The following ZNF45 variants were observed in gnomAD, a reference collection of about 807,000 sequenced individuals.
The protein encoded by ZNF45 is BRC1744.
A neutral mutation model predicts 12.0 loss-of-function variants in ZNF45; 4 were observed. That is an observed-to-expected ratio of 0.33 (90% CI 0.16 to 0.76). The LOEUF is 0.76. Ranked by LOEUF, ZNF45 falls within the 30% of genes least tolerant of loss-of-function variation. ZNF45 has a pLI of 0.60. For missense variants in ZNF45, 700 were observed against 813.0 expected, an observed-to-expected ratio of 0.86 and a Z score of 1.69; for synonymous variants, 272 against 279.6, an observed-to-expected ratio of 0.97 and a Z score of 0.27.
chr19:43,923,977 T>TAAA (rs202194694), intron 6 of ZNF45, among the ~76,000 whole-genome samples: 1 of 100,350 alleles, frequency 1.0e-5, no homozygotes, highest in African/African-American at 3.6e-5. Context: ...AAAAAAAATC[T>TAAA]AAAAAAAAAA....
At chr19:43,933,482 T>A (rs1974294125) in intron 2 of ZNF45, among the ~76,000 whole-genome samples, 1 of 152,012 alleles carries the variant, frequency 6.6e-6, no homozygotes, top group Non-Finnish European at 1.5e-5. Context: ...AAAACACAAT[T>A]AATGATAATT....
chr19:43,922,582 T>C (rs967976141), intron 6 of ZNF45, among the ~76,000 whole-genome samples: 3 of 152,118 alleles, frequency 2.0e-5, no homozygotes, highest in African/African-American at 7.2e-5. Flanking sequence ...ATTTATGGCA[T>C]TGCTATTTAT....
intron 2 of ZNF45, among the ~76,000 whole-genome samples, chr19:43,934,114 G>A (rs1172922076): frequency 1.3e-5 from 2 of 152,166 alleles, no homozygotes; most frequent in East Asian, 1.9e-4. Flanking sequence ...CCAAGTCTAG[G>A]ACACAAATCC....
chr19:43,916,001 C>T (rs2146765366), intron 9 of ZNF45, among the ~76,000 whole-genome samples: 1 of 152,210 alleles, frequency 6.6e-6, no homozygotes, highest in South Asian at 2.1e-4. Flanking sequence ...TTTCCATAAC[C>T]ACCAGGGGGG....
intron 6 of ZNF45, among the ~76,000 whole-genome samples, chr19:43,923,055 A>T (rs1475394759): frequency 6.6e-6 from 1 of 151,756 alleles, no homozygotes; most frequent in Non-Finnish European, 1.5e-5. Context: ...CAAACTCCTG[A>T]GCTCAAGTGA....
chr19:43,914,945 TA>T lies in ZNF45; in HGVS notation c.490del (p.Tyr164ThrfsTer7). On this transcript the variant is annotated frameshift_variant, in exon 10 of 10. Transcript: ENST00000269973. LOFTEE classifies it low-confidence loss of function (END_TRUNC). ...ACTTTTCACACAATGTTCTCCTTTG[TA>T]GGGTTTTTCACCAGTGTGGACTCTG... ...VHRVHTGEKP[Y>X]KGEHCVKSFS... is the part of the protein sequence containing the mutation. The T allele has an allele frequency of 6.2e-7, 1 of 1,611,812 alleles. No individual in the cohort carries two copies. The highest frequency in any genetic ancestry group is 1.7e-5 in the Admixed American group (1 of 59,922).
In ZNF45 at chr19:43,913,107, G is replaced by A; in HGVS notation, c.*280C>T. 1 of 313,318 alleles carries A rather than the reference G, an allele frequency of 3.2e-6. No homozygotes were observed. Among genetic ancestry groups the A allele is most frequent in the South Asian group, 1.2e-4 (1 of 8,694 alleles). The allele number at this position is 313,318 out of a possible 1,614,324, so 19.4% of individuals were successfully genotyped here. On this transcript the variant is annotated 3_prime_UTR_variant, in exon 10 of 10. Transcript: ENST00000269973. The stretch of plus-strand genomic sequence containing the variant: ...AGTCAACAAAGTCCCTGCCCTCTTG[G>A]ATCTTATATTCTAGTGGAACAGAAT...
chr19:43,917,717 C>A (rs1266408071), intron 9 of ZNF45, among the ~76,000 whole-genome samples: 2 of 152,128 alleles, frequency 1.3e-5, no homozygotes, highest in African/African-American at 4.8e-5. Context: ...AACTCCTGGT[C>A]TCAGGTGATC....
chr19:43,915,144 G>A lies in ZNF45; in HGVS notation c.292C>T (p.Pro98Ser), dbSNP rs1423112883. The A allele has an allele frequency of 1.3e-6, 2 of 1,569,498 alleles. No homozygotes were observed. The highest frequency in any genetic ancestry group is 1.7e-6 in the Non-Finnish European group (2 of 1,158,994). ...TLQEVGLRYL[P>S]HEELFCSQIW... Reference sequence around the variant, plus strand: ...TGGGAGCAGAAAAGCTCTTCATGAGGCAGGTACCTTAATCCTACTTCTTGA... The same window carrying A: ...TGGGAGCAGAAAAGCTCTTCATGAGACAGGTACCTTAATCCTACTTCTTGA... Residue 98 changes from proline (P) to serine (S), a missense_variant, in exon 10 of 10, where the codon CCT becomes TCT. By Grantham distance (74) the Pro-to-Ser change is moderately conservative. Transcript: ENST00000269973.
chr19:43,929,804 CT>C (rs1454587990), intron 3 of ZNF45, among the ~76,000 whole-genome samples: 4 of 152,170 alleles, frequency 2.6e-5, no homozygotes, highest in Non-Finnish European at 5.9e-5. Flanking sequence ...AAGGGTCACC[CT>C]GCTACCCTCC....
intron 7 of ZNF45, among the ~76,000 whole-genome samples, chr19:43,920,353 C>T (rs1260269778): frequency 6.6e-6 from 1 of 151,566 alleles, no homozygotes; most frequent in Non-Finnish European, 1.5e-5. Flanking sequence ...TGTTTTATAG[C>T]TTTGTGTTCA....
intron 7 of ZNF45, among the ~76,000 whole-genome samples, chr19:43,920,025 CCT>C (rs1373960843): frequency 5.3e-5 from 8 of 151,904 alleles, no homozygotes; most frequent in South Asian, 4.2e-4. Flanking sequence ...TCAATTTTTC[CCT>C]GTCTTATCCT....
chr19:43,914,527 T>C lies in ZNF45; in HGVS notation c.909A>G (p.Pro303=), dbSNP rs2146714044. 1 of 1,612,776 alleles carries C rather than the reference T, an allele frequency of 6.2e-7. No homozygotes were observed. The highest frequency in any genetic ancestry group is 1.3e-5 in the African/African-American group (1 of 75,000). The part of the protein sequence containing the change: ...VHLKVHTGKK[P]YKCEECGKSF... ...TCTTCCCACACTCTTCACACTTATATGGTTTCTTTCCAGTGTGAACTTTCA... is the reference window on the plus strand; with the variant it reads ...TCTTCCCACACTCTTCACACTTATACGGTTTCTTTCCAGTGTGAACTTTCA... Residue 303 remains proline, a synonymous_variant, in exon 10 of 10, where the codon CCA becomes CCG. Coordinates refer to ENST00000269973, the MANE Select transcript of ZNF45 (RefSeq NM_003425.4).
rs746867029 is a variant in ZNF45 at position 43,914,494 on chromosome 19, A to G, written c.942T>C (p.Ser314=). The G allele has an allele frequency of 3.2e-5, 52 of 1,613,600 alleles. No individual in the cohort carries two copies. The highest frequency in any genetic ancestry group is 2.8e-4 in the Admixed American group (17 of 59,990). ...YKCEECGKSF[S]WRSRLQAHER... ...CATGAGCCTGCAGTCGTGAACGCCA[A>G]CTGAAGCTCTTCCCACACTCTTCAC... Residue 314 remains serine, a synonymous_variant, in exon 10 of 10, where the codon AGT becomes AGC. Coordinates refer to ENST00000269973, the MANE Select transcript of ZNF45 (RefSeq NM_003425.4).
At chr19:43,915,555 G>A (rs572613001) in intron 9 of ZNF45, among the ~76,000 whole-genome samples, 1 of 152,354 alleles carries the variant, frequency 6.6e-6, no homozygotes, top group South Asian at 2.1e-4. Context: ...TCCGTGGCCT[G>A]TTAGGATCTG....
chr19:43,926,375 G>A (rs750905664), intron 3 of ZNF45: 1 of 152,208 alleles, frequency 6.6e-6, no homozygotes, highest in African/African-American at 2.4e-5. Context: ...ACCATCTTAG[G>A]AAAGTACTCT....
At position 43,913,325 on chromosome 19, in the gene ZNF45, T is replaced by C; in HGVS notation, c.*62A>G. The stretch of plus-strand genomic sequence containing the variant: ...TACTGACTCTATAAAACAAATGTTT[T>C]GTCTATGATAGCTCTGATTATTAAA... On this transcript the variant is annotated 3_prime_UTR_variant, in exon 10 of 10. Transcript: ENST00000269973. 1.3e-6 allele frequency: 2 copies of C among 1,506,778 alleles called. No homozygotes were observed. Among genetic ancestry groups the C allele is most frequent in the South Asian group, 1.4e-5 (1 of 72,078 alleles). 93.3% of individuals were successfully genotyped at this position (1,506,778 alleles called of 1,614,324 possible). A position where few individuals can be genotyped will look rare whatever the true frequency, so the allele number is the denominator to read the frequency against.
At chr19:43,920,864 A>G (rs1393406922) in intron 7 of ZNF45, among the ~76,000 whole-genome samples, 1 of 151,950 alleles carries the variant, frequency 6.6e-6, no homozygotes, top group African/African-American at 2.4e-5. Context: ...GGCCTCAGAA[A>G]CTGCTGGGAT....
Position 43,913,786 on chromosome 19 carries a change from G to A in ZNF45, c.1650C>T (p.His550=). 6.2e-7 allele frequency: 1 copy of A among 1,613,472 alleles called. No homozygotes were observed. The highest frequency in any genetic ancestry group is 1.7e-5 in the Admixed American group (1 of 59,962). The part of the protein sequence containing the change: ...GSQLQAHQRC[H]TGEKPYQCEE... ...CACATTGATAGGGTTTCTCTCCAGT[G>A]TGGCACCTCTGATGGGCTTGAAGCT... The change falls in exon 10 of 10, where the codon CAC becomes CAT. Residue 550 remains histidine, a synonymous_variant. Coordinates refer to ENST00000269973, the MANE Select transcript of ZNF45 (RefSeq NM_003425.4).
Sources: gnomAD v4.1 joint callset for allele counts (sites outside exome capture counted in the v4.1 genomes callset) on GRCh38, gnomAD v4.1.1 for gene constraint, MANE v1.5 for transcripts, NCBI Gene and HGNC (gene_info 2026-07-23, HGNC 2026-07-21) for gene names.